Variants in DLGAP2 observed in about 807,000 individuals in gnomAD.
The protein encoded by DLGAP2 is DLG associated protein 2.
Under a neutral mutation model 100.3 loss-of-function variants are expected in DLGAP2, and 26 were observed. The ratio of observed to expected loss-of-function variants is 0.26; its 90% CI spans 0.19 to 0.36. The LOEUF is 0.36. Among genes scored for constraint, DLGAP2 ranks in the 10% least tolerant of loss-of-function variants. The pLI, the probability that DLGAP2 is intolerant of heterozygous loss-of-function variation, is 1.00. For synonymous variants in DLGAP2, 886 were observed against 630.1 expected, an observed-to-expected ratio of 1.41 and a Z score of -6.08; for missense variants, 1,858 against 1,453.2, an observed-to-expected ratio of 1.28 and a Z score of -4.53.
intron 2 of DLGAP2, among the ~76,000 whole-genome samples, chr8:1,142,112 C>T (rs190328206): frequency 2.0e-5 from 3 of 150,770 alleles, no homozygotes; most frequent in African/African-American, 4.9e-5. Flanking sequence ...TTTAGACAAT[C>T]GTTTTTCCTA....
intron 2 of DLGAP2, among the ~76,000 whole-genome samples, chr8:977,428 A>G (rs1266552906): frequency 6.6e-6 from 1 of 152,234 alleles, no homozygotes; most frequent in Non-Finnish European, 1.5e-5. Flanking sequence ...ATGTGAGGTC[A>G]AAACTAGGTT....
chr8:1,474,493 C>T (rs1319571835), intron 3 of DLGAP2, among the ~76,000 whole-genome samples: 1 of 152,192 alleles, frequency 6.6e-6, no homozygotes, highest in East Asian at 1.9e-4. Flanking sequence ...TACATTCCCA[C>T]CAGCAGTGCA....
rs545280872 is a variant in DLGAP2 at position 1,392,658 on chromosome 8, G to A, written c.107-108708G>A. 7.9e-5 allele frequency among the ~76,000 whole-genome samples: 12 copies of A among 152,336 alleles called. No homozygotes were observed. In the South Asian group the frequency reaches 2.5e-3, roughly 32 times the overall value. On this transcript the variant is annotated intron_variant, in intron 3 of 14. Coordinates refer to ENST00000637795, the MANE Select transcript of DLGAP2 (RefSeq NM_001346810.2). ...ACCCGTGGGGAGTCCCGTGGGCCTGGGCCTCCATGCATCTCTGGGGACTGG... is the reference window on the plus strand; with the variant it reads ...ACCCGTGGGGAGTCCCGTGGGCCTGAGCCTCCATGCATCTCTGGGGACTGG...
rs111449223 is a variant in DLGAP2, at chr8:1,519,705, G to A, written c.172+18274G>A. The stretch of plus-strand genomic sequence containing the variant: ...AGAACTCATTGTGGGCCTGGGATCC[G>A]TATGCACTTGCCTGCCTGTAAGAAG... On this transcript the variant is annotated intron_variant, in intron 4 of 14. Transcript: ENST00000637795. Among the ~76,000 whole-genome samples the A allele has an allele frequency of 4.5e-3, 685 of 152,348 alleles. 3 individuals are homozygous for A. Among genetic ancestry groups the A allele is most frequent in the East Asian group, 0.012 (64 of 5,172 alleles).
intron 1 of DLGAP2, among the ~76,000 whole-genome samples, chr8:903,914 G>A (rs2128998004): frequency 6.6e-6 from 1 of 152,356 alleles, no homozygotes; most frequent in South Asian, 2.1e-4. Flanking sequence ...ATTCGTCAGG[G>A]ACCCTCTGTT....
intron 1 of DLGAP2, among the ~76,000 whole-genome samples, chr8:825,563 C>T (rs563939733): frequency 1.6e-4 from 24 of 152,326 alleles, no homozygotes; most frequent in African/African-American, 3.8e-4. Context: ...TTATCTCTAA[C>T]GACATCATCC....
At chr8:868,933 T>C (rs1797548320) in intron 1 of DLGAP2, among the ~76,000 whole-genome samples, 1 of 152,166 alleles carries the variant, frequency 6.6e-6, no homozygotes, top group African/African-American at 2.4e-5. Context: ...ATGAAGTGAA[T>C]ATGTGACAAT....
At chr8:1,564,248 G>T (rs1802304597) in intron 5 of DLGAP2, among the ~76,000 whole-genome samples, 1 of 152,210 alleles carries the variant, frequency 6.6e-6, no homozygotes, top group Non-Finnish European at 1.5e-5. Flanking sequence ...GTCCTGACCT[G>T]CAGGGAGCAG....
chr8:1,256,783 C>G (rs960877962), intron 2 of DLGAP2, among the ~76,000 whole-genome samples: 4 of 152,202 alleles, frequency 2.6e-5, no homozygotes, highest in Non-Finnish European at 5.9e-5. Flanking sequence ...TCCAGGTCAA[C>G]TAAACCTGAG....
intron 2 of DLGAP2, among the ~76,000 whole-genome samples, chr8:1,029,393 G>A (rs1287142233): frequency 6.6e-6 from 1 of 152,214 alleles, no homozygotes; most frequent in African/African-American, 2.4e-5. Context: ...AGTGGCCGAG[G>A]TACAGAGGAA....
chr8:1,630,298 A>T (rs920775831), intron 7 of DLGAP2, among the ~76,000 whole-genome samples: 1 of 152,218 alleles, frequency 6.6e-6, no homozygotes, highest in Non-Finnish European at 1.5e-5. Context: ...AGACCTGACA[A>T]TTCTGGAAGG....
chr8:1,548,632 A>G lies in DLGAP2; in HGVS notation c.179A>G (p.Gln60Arg). The part of the protein sequence containing the change: ...PGPAEEDLDP[Q>R]YSWSPTQHFN... ...CGTTTCTGTTTCCCCACAGACCCGC[A>G]GTACTCATGGTCGCCCACGCAGCAC... The change falls in exon 5 of 15, where the codon CAG becomes CGG. Residue 60 changes from glutamine to arginine, a missense_variant. By Grantham distance (43) the Gln-to-Arg change is conservative. Coordinates refer to ENST00000637795, the MANE Select transcript of DLGAP2 (RefSeq NM_001346810.2). The G allele has an allele frequency of 6.5e-7, 1 of 1,535,734 alleles. No homozygotes were observed. The highest frequency in any genetic ancestry group is 8.8e-7 in the Non-Finnish European group (1 of 1,142,534).
intron 2 of DLGAP2, among the ~76,000 whole-genome samples, chr8:1,195,157 G>T (rs1434191744): frequency 2.0e-5 from 3 of 152,266 alleles, no homozygotes; most frequent in Non-Finnish European, 4.4e-5. Flanking sequence ...CGTCAGAACA[G>T]TGAACATCTG....
chr8:1,315,292 TGCG>T (rs1336798091), intron 3 of DLGAP2, among the ~76,000 whole-genome samples: 3 of 150,056 alleles, frequency 2.0e-5, no homozygotes, highest in South Asian at 2.2e-4. Context: ...ATAGAGCCTG[TGCG>T]AGTGCAGCGT....
At chr8:1,358,797 G>A (rs910605163) in intron 3 of DLGAP2, among the ~76,000 whole-genome samples, 7 of 151,952 alleles carry the variant, frequency 4.6e-5, no homozygotes, top group Admixed American at 2.6e-4. Context: ...GCCTGGAACC[G>A]AACTGCCTGA....
chr8:814,837 C>T (rs1348032662), intron 1 of DLGAP2, among the ~76,000 whole-genome samples: 1 of 96,334 alleles, frequency 1.0e-5, no homozygotes, highest in African/African-American at 4.3e-5. Flanking sequence ...GGCAACAGAG[C>T]AAGACTCCGT....
intron 3 of DLGAP2, among the ~76,000 whole-genome samples, chr8:1,287,694 A>AGTGTGT (rs1271962722): frequency 5.2e-5 from 3 of 57,726 alleles, no homozygotes; most frequent in Admixed American, 2.5e-4. Context: ...GTTTCGGTTC[A>AGTGTGT]GTGTGTGTGT....
chr8:1,609,333 C>G (rs970942901), intron 6 of DLGAP2, among the ~76,000 whole-genome samples: 5 of 136,818 alleles, frequency 3.7e-5, no homozygotes, highest in Admixed American at 3.1e-4. Context: ...TACAGACAAG[C>G]AAATGCTGAG....
intron 3 of DLGAP2, among the ~76,000 whole-genome samples, chr8:1,417,679 AGGG>A (rs760887028): frequency 7.7e-6 from 1 of 130,482 alleles, no homozygotes; most frequent in Non-Finnish European, 1.7e-5. Context: ...GCGAGGCTCC[AGGG>A]GGGCACAGGG....
Sources: allele counts gnomAD v4.1 joint callset (sites outside exome capture counted in the v4.1 genomes callset), GRCh38; gene constraint gnomAD v4.1.1; transcripts MANE v1.5; gene names NCBI Gene and HGNC (gene_info 2026-07-23, HGNC 2026-07-21).